The following HS6ST3 variants were observed in gnomAD, a reference collection of about 807,000 sequenced individuals.
The protein encoded by HS6ST3 is heparan sulfate 6-O-sulfotransferase 3.
A neutral mutation model predicts 36.7 loss-of-function variants in HS6ST3; 12 were observed. That is an observed-to-expected ratio of 0.33 (90% CI 0.21 to 0.53). The LOEUF (loss-of-function observed/expected upper bound fraction) is 0.53, where lower values mean the gene tolerates loss of function less well. HS6ST3 is among the 20% of genes least tolerant of loss of function. The pLI is 0.95. For missense variants in HS6ST3, 584 were observed against 640.9 expected, an observed-to-expected ratio of 0.91 and a Z score of 0.96; for synonymous variants, 240 against 257.5, an observed-to-expected ratio of 0.93 and a Z score of 0.65.
At chr13:96,824,927 G>T (rs1878617066) in intron 1 of HS6ST3, among the ~76,000 whole-genome samples, 2 of 152,188 alleles carry the variant, frequency 1.3e-5, no homozygotes, top group African/African-American at 2.4e-5. Context: ...GGTGAGTCAG[G>T]CAAGGTTCCC....
chr13:96,126,268 A>G (rs985628489), intron 1 of HS6ST3, among the ~76,000 whole-genome samples: 1 of 151,866 alleles, frequency 6.6e-6, no homozygotes, highest in East Asian at 1.9e-4. Context: ...CTACTCTTTC[A>G]CCAGCATTTT....
At chr13:96,130,845 G>A (rs116814099) in intron 1 of HS6ST3, among the ~76,000 whole-genome samples, 209 of 115,506 alleles carry the variant, frequency 1.8e-3, no homozygotes, top group African/African-American at 5.9e-3. Context: ...TTCAATTATT[G>A]CTGCTTTCAG....
chr13:96,384,755 T>C (rs1485161232), intron 1 of HS6ST3, among the ~76,000 whole-genome samples: 1 of 152,174 alleles, frequency 6.6e-6, no homozygotes. Flanking sequence ...ACCAAACCTA[T>C]GGGTAAGGGA....
At chr13:96,685,500 G>A (rs1372324202) in intron 1 of HS6ST3, among the ~76,000 whole-genome samples, 1 of 152,046 alleles carries the variant, frequency 6.6e-6, no homozygotes, top group Non-Finnish European at 1.5e-5. Flanking sequence ...CCACCAGGAT[G>A]TAGTATTTGT....
At chr13:96,622,507 A>G (rs1265810508) in intron 1 of HS6ST3, among the ~76,000 whole-genome samples, 1 of 152,232 alleles carries the variant, frequency 6.6e-6, no homozygotes, top group Admixed American at 6.5e-5. Context: ...AATACTTGAC[A>G]TAAATGGGAT....
At chr13:96,574,455 G>A in intron 1 of HS6ST3, 1 of 478,030 alleles carries the variant, frequency 2.1e-6, no homozygotes, top group Non-Finnish European at 3.8e-6. Flanking sequence ...TGACAGCACT[G>A]TTTCCAGAAC....
chr13:96,291,549 G>A (rs767873908), intron 1 of HS6ST3, among the ~76,000 whole-genome samples: 1 of 152,158 alleles, frequency 6.6e-6, no homozygotes, highest in African/African-American at 2.4e-5. Context: ...GATTTAGCTT[G>A]ATAATAAGCT....
chr13:96,179,346 C>A (rs762526250), intron 1 of HS6ST3, among the ~76,000 whole-genome samples: 1 of 152,178 alleles, frequency 6.6e-6, no homozygotes, highest in Non-Finnish European at 1.5e-5. Flanking sequence ...AGTAACTAAA[C>A]GCTATCCTTT....
At chr13:96,644,309 A>G (rs907959859) in intron 1 of HS6ST3, among the ~76,000 whole-genome samples, 2 of 152,036 alleles carry the variant, frequency 1.3e-5, no homozygotes, top group Non-Finnish European at 2.9e-5. Flanking sequence ...ACATTCATCA[A>G]TTATGTCATA....
chr13:96,654,544 C>T (rs997423367), intron 1 of HS6ST3, among the ~76,000 whole-genome samples: 1 of 152,048 alleles, frequency 6.6e-6, no homozygotes, highest in Non-Finnish European at 1.5e-5. Flanking sequence ...TTTCTGAGGC[C>T]TCTGTTCTGT....
chr13:96,774,739 C>T (rs1283094771), intron 1 of HS6ST3, among the ~76,000 whole-genome samples: 1 of 152,078 alleles, frequency 6.6e-6, no homozygotes. Context: ...GAGAATGCAA[C>T]CAAGTTTGAA....
intron 1 of HS6ST3, among the ~76,000 whole-genome samples, chr13:96,363,026 T>A (rs1026137430): frequency 6.6e-6 from 1 of 151,434 alleles, no homozygotes; most frequent in Non-Finnish European, 1.5e-5. Flanking sequence ...GAGAGGGAGG[T>A]CATGATTATA....
chr13:96,096,991 C>G (rs913956118), intron 1 of HS6ST3, among the ~76,000 whole-genome samples: 2 of 152,116 alleles, frequency 1.3e-5, no homozygotes, highest in Non-Finnish European at 2.9e-5. Context: ...TGTCTGTAGG[C>G]CATATCTACT....
intron 1 of HS6ST3, among the ~76,000 whole-genome samples, chr13:96,569,776 G>A (rs897155582): frequency 6.6e-6 from 1 of 152,134 alleles, no homozygotes; most frequent in African/African-American, 2.4e-5. Flanking sequence ...AGGGAATGTG[G>A]GGTGCAGAAA....
chr13:96,617,689 C>G, intron 1 of HS6ST3, among the ~76,000 whole-genome samples: 1 of 152,130 alleles, frequency 6.6e-6, no homozygotes, highest in East Asian at 1.9e-4. Context: ...TTCTCTAGGT[C>G]AGTGGTTGGC....
Position 96,327,611 on chromosome 13 carries a change from C to T in HS6ST3, c.707+236042C>T, listed in dbSNP as rs985569506. ...TGTAGTATAGTTTGAAGTCAGGTAG[C>T]GTGATGCCTCCAGCTTTGTTCTTTT... On this transcript the variant is annotated intron_variant, in intron 1 of 1. Coordinates refer to ENST00000376705, the MANE Select transcript of HS6ST3 (RefSeq NM_153456.4). Among the ~76,000 whole-genome samples the T allele has an allele frequency of 9.2e-5, 14 of 151,712 alleles. 2 individuals carry two copies. The South Asian group carries it at 2.1e-3, about 23-fold the overall frequency.
At chr13:96,761,564 T>G (rs554606602) in intron 1 of HS6ST3, among the ~76,000 whole-genome samples, 11 of 152,248 alleles carry the variant, frequency 7.2e-5, no homozygotes, top group African/African-American at 2.6e-4. Context: ...ATAGATGAAG[T>G]TGAAGCCTGG....
chr13:96,461,251 G>A (rs541098956), intron 1 of HS6ST3, among the ~76,000 whole-genome samples: 2 of 152,308 alleles, frequency 1.3e-5, no homozygotes, highest in South Asian at 2.1e-4. Flanking sequence ...ATGAGAAGAT[G>A]TATAAACAGC....
intron 1 of HS6ST3, among the ~76,000 whole-genome samples, chr13:96,764,060 T>C (rs1267148418): frequency 6.6e-6 from 1 of 152,226 alleles, no homozygotes; most frequent in Non-Finnish European, 1.5e-5. Flanking sequence ...TGGTTCATAG[T>C]GTTCTTAATT....
Sources: allele counts gnomAD v4.1 joint callset (sites outside exome capture counted in the v4.1 genomes callset), GRCh38; gene constraint gnomAD v4.1.1; transcripts MANE v1.5; gene names NCBI Gene and HGNC (gene_info 2026-07-23, HGNC 2026-07-21).